ATP13A2: variants seen among roughly 807,000 people sequenced by gnomAD.
ATP13A2 encodes the protein ATPase cation transporting 13A2, also known as polyamine-transporting ATPase 13A2.
In ATP13A2, 83 loss-of-function variants were observed where a neutral mutation model predicts 138.3. That is an observed-to-expected ratio of 0.60 (90% CI 0.50 to 0.72). The LOEUF (loss-of-function observed/expected upper bound fraction) is 0.72, where lower values mean the gene tolerates loss of function less well. Ranked by LOEUF, ATP13A2 falls within the 30% of genes least tolerant of loss-of-function variation. The probability of loss-of-function intolerance (pLI) is 0.00; values close to 1 mark genes in which losing one functional copy is unlikely to be tolerated. For synonymous variants in ATP13A2, 663 were observed against 699.0 expected (o/e 0.95, Z 0.81); for missense variants, 1,402 against 1,606.4 (o/e 0.87, Z 2.17).
chr1:17,002,000 G>T, intron 8 of ATP13A2, 34 bp downstream of exon 8: 1 of 1,592,730 alleles, frequency 6.3e-7, no homozygotes, highest in Non-Finnish European at 8.6e-7. Context: ...AGCACGCCAG[G>T]CAGGGCTGGG....
chr1:17,000,251 C>G lies in ATP13A2; in HGVS notation c.902G>C (p.Gly301Ala), dbSNP rs1044203058. The G allele has an allele frequency of 6.4e-7, 1 of 1,566,470 alleles. No individual in the cohort carries two copies. The highest frequency in any genetic ancestry group is 8.7e-7 in the Non-Finnish European group (1 of 1,155,198). The change falls in exon 10 of 29, where the codon GGG becomes GCG. Residue 301 changes from glycine to alanine, a missense_variant. Gly to Ala is a moderately conservative substitution (Grantham distance 60). Coordinates refer to ENST00000326735, the MANE Select transcript of ATP13A2 (RefSeq NM_022089.4). ...LSMRVCVCRP[G>A]GEEEWVDSSE... ...CCTGGGCCCTAGCTCCTCACCTCCC[C>G]CTGGCCGGCACACGCACACCCGCAT...
intron 8 of ATP13A2, among the ~76,000 whole-genome samples, chr1:17,001,669 C>A (rs1341706627): frequency 6.6e-6 from 1 of 152,192 alleles, no homozygotes; most frequent in Non-Finnish European, 1.5e-5. Context: ...ACAGTGCAGT[C>A]CCAGGCCCAA....
Position 17,011,091 on chromosome 1 carries a change from G to T in ATP13A2, c.10+638C>A, listed in dbSNP as rs1435826347. ...CTTTCTGGATAGGGGAGGAGGACTG[G>T]CCCCATTCCCGGCAGGTGGGATTTA... On this transcript the variant is annotated intron_variant, in intron 1 of 28. Transcript: ENST00000326735. The surrounding 1 kb of genome is among the most constrained non-coding windows in gnomAD (Gnocchi z 7.3). 1.3e-5 allele frequency among the ~76,000 whole-genome samples: 2 copies of T among 152,102 alleles called. No homozygotes were observed. The highest frequency in any genetic ancestry group is 2.9e-5 in the Non-Finnish European group (2 of 68,030).
rs1237007948 is a variant in ATP13A2, at chr1:16,986,141, C to A, written c.*80G>T. ...ACCTCAGGGATGTGGGAGGTGGTGG[C>A]GGTGGTGTTGCTGGAGAGGGGTCCA... is the stretch of plus-strand genomic sequence containing the variant. On this transcript the variant is annotated 3_prime_UTR_variant, in exon 29 of 29. Transcript: ENST00000326735. The surrounding 1 kb of genome is among the most constrained non-coding windows in gnomAD (Gnocchi z 6.9). The A allele has an allele frequency of 6.2e-7, 1 of 1,600,840 alleles. No homozygotes were observed. Among genetic ancestry groups the A allele is most frequent in the Non-Finnish European group, 8.5e-7 (1 of 1,174,780 alleles).
At chr1:17,005,155 G>A (rs1035677319) in intron 3 of ATP13A2, 83 bp from the exon 4 acceptor site, 31 of 1,580,622 alleles carry the variant, frequency 2.0e-5, no homozygotes, top group Non-Finnish European at 2.5e-5. Flanking sequence ...GGCCCCTGCT[G>A]GAGAAGGCAG....
chr1:17,007,753 G>A (rs1159771109), intron 1 of ATP13A2, among the ~76,000 whole-genome samples: 5 of 152,006 alleles, frequency 3.3e-5, no homozygotes, highest in East Asian at 3.9e-4. Context: ...GGGTTTCACC[G>A]TGTTAGCCAG....
intron 8 of ATP13A2, among the ~76,000 whole-genome samples, chr1:17,001,801 C>T (rs533089622): frequency 6.6e-6 from 1 of 152,200 alleles, no homozygotes; most frequent in Non-Finnish European, 1.5e-5. Flanking sequence ...GGCCTCCAAT[C>T]CCTATGAGTG....
chr1:17,009,807 C>G (rs2077712644), intron 1 of ATP13A2, among the ~76,000 whole-genome samples: 1 of 152,182 alleles, frequency 6.6e-6, no homozygotes, highest in Admixed American at 6.5e-5. Context: ...ACTGTCACTT[C>G]ACAATGACAC....
Position 17,005,453 on chromosome 1 carries a change from A to C in ATP13A2, c.209T>G (p.Leu70Arg), listed in dbSNP as rs1235924841. The C allele has an allele frequency of 6.2e-7, 1 of 1,614,170 alleles. No individual in the cohort carries two copies. The highest frequency in any genetic ancestry group is 1.1e-5 in the South Asian group (1 of 91,078). The change falls in exon 3 of 29, where the codon CTG (leucine) becomes CGG (arginine). Residue 70 changes from leucine to arginine, a missense_variant. Coordinates refer to ENST00000326735, the MANE Select transcript of ATP13A2 (RefSeq NM_022089.4). ...CCGGAGCCGCAGCCGCACCCCCCAC[A>C]GGGGCTTCCAACGGAAGAGCAGCAA... is the stretch of plus-strand genomic sequence containing the variant. ...IPLLLFRWKP[L>R]WGVRLRLRPC...
intron 6 of ATP13A2, among the ~76,000 whole-genome samples, chr1:17,003,656 GTTTC>G (rs1262564589): frequency 5.0e-5 from 6 of 118,852 alleles, no homozygotes; most frequent in Middle Eastern, 4.7e-3. Context: ...GTGAGCTTGT[GTTTC>G]TTTTTCTTTT....
chr1:16,987,187 G>A lies in ATP13A2; in HGVS notation c.2942C>T (p.Thr981Met), dbSNP rs148201608. The A allele has an allele frequency of 1.4e-4, 222 of 1,613,714 alleles. No homozygotes were observed. The African/African-American group carries it at 2.3e-3, about 17-fold the overall frequency. Residue 981 changes from threonine to methionine, a missense_variant, in exon 26 of 29, where the codon ACG becomes ATG. Physicochemically the swap from Thr to Met is moderately conservative, Grantham distance 81. Coordinates refer to ENST00000326735, the MANE Select transcript of ATP13A2 (RefSeq NM_022089.4). ...CCGTCCCAGGACCAGCGCTGGCCCCGTGCGGCTCATGAGCACTGCCACTGT... is the reference window on the plus strand; with the variant it reads ...CCGTCCCAGGACCAGCGCTGGCCCCATGCGGCTCATGAGCACTGCCACTGT... The part of the protein sequence containing the change: ...TTTVAVLMSR[T>M]GPALVLGRVR...
chr1:17,005,956 G>A (rs2077543554), intron 1 of ATP13A2, among the ~76,000 whole-genome samples, 178 bp from the exon 2 acceptor site: 1 of 152,114 alleles, frequency 6.6e-6, no homozygotes, highest in African/African-American at 2.4e-5. Context: ...CTAACATGGT[G>A]AAACCCATCT....
At chr1:16,989,606 G>C in intron 23 of ATP13A2, 85 bp downstream of exon 23, 1 of 1,381,324 alleles carries the variant, frequency 7.2e-7, no homozygotes. Context: ...AGGGAGACAG[G>C]GCCCTGGGGA....
chr1:16,996,394 G>A lies in ATP13A2; in HGVS notation c.1298C>T (p.Ser433Phe). The A allele has an allele frequency of 6.2e-7, 1 of 1,614,138 alleles. No individual in the cohort carries two copies. Among genetic ancestry groups the A allele is most frequent in the Non-Finnish European group, 8.5e-7 (1 of 1,180,012 alleles). ...KHSMKFVAAL[S>F]VLALLGTIYS... ...TGCAGGGGGCCACTCACCCAGGACA[G>A]AGAGGGCAGCCACAAACTTCATGCT... Residue 433 changes from serine (S) to phenylalanine (F), a missense_variant, in exon 13 of 29, where the codon TCT becomes TTT. Physicochemically the swap from Ser to Phe is radical, Grantham distance 155 (BLOSUM62 -2). Transcript: ENST00000326735.
chr1:17,011,826 T>C lies in ATP13A2; in HGVS notation c.-88A>G. ...CGCAAGGCCCTGGGCGGGGGCGCGG[T>C]CCGGACGGCCCGGGGCGAGGGGCGC... On this transcript the variant is annotated 5_prime_UTR_variant, in exon 1 of 29. Transcript: ENST00000326735. This position sits in a 1 kb window ranked among gnomAD's most constrained non-coding sequence, Gnocchi z 7.3. The C allele has an allele frequency of 9.0e-7, 1 of 1,108,350 alleles. No individual in the cohort carries two copies. The highest frequency in any genetic ancestry group is 1.7e-5 in the African/African-American group (1 of 59,974). 68.7% of individuals were successfully genotyped at this position (1,108,350 alleles called of 1,614,324 possible).
rs41273155 is a variant in ATP13A2 at position 17,004,941 on chromosome 1, G to A, written c.347+73C>T. 369 of 1,611,546 alleles carry A rather than the reference G, an allele frequency of 2.3e-4. 6 individuals are homozygous for A. The South Asian group carries it at 3.8e-3, about 17-fold the overall frequency. On this transcript the variant is annotated intron_variant, in intron 4 of 28. Transcript: ENST00000326735. This position sits in a 1 kb window ranked among gnomAD's most constrained non-coding sequence, Gnocchi z 4.1. Reference sequence around the variant, plus strand: ...GCGCCAGAGTCAGCCTTTATGGGGGGGCCGAGGGTTGGGGAAGTTGGGGAG... The same window carrying A: ...GCGCCAGAGTCAGCCTTTATGGGGGAGCCGAGGGTTGGGGAAGTTGGGGAG...
rs369126613 is a variant in ATP13A2 at position 16,986,163 on chromosome 1, T to C, written c.*58A>G. On this transcript the variant is annotated 3_prime_UTR_variant, in exon 29 of 29. Transcript: ENST00000326735. This position sits in a 1 kb window ranked among gnomAD's most constrained non-coding sequence, Gnocchi z 6.9. The stretch of plus-strand genomic sequence containing the variant: ...TGGCGGTGGTGTTGCTGGAGAGGGG[T>C]CCAGTTGGTGGCTCAGAGGCAGGGA... 1.8e-4 allele frequency: 287 copies of C among 1,609,128 alleles called. No individual in the cohort carries two copies. The highest frequency in any genetic ancestry group is 1.8e-4 in the Non-Finnish European group (214 of 1,178,518).
In ATP13A2 at chr1:17,000,525, G is replaced by A; in HGVS notation, c.715C>T (p.Pro239Ser). 2 of 1,613,956 alleles carry A rather than the reference G, an allele frequency of 1.2e-6. No individual in the cohort carries two copies. Among genetic ancestry groups the A allele is most frequent in the Non-Finnish European group, 1.7e-6 (2 of 1,179,886 alleles). ...CTGAAGGCCTGGAACCCATAGTAGG[G>A]GTTCAGTGCCTGGGGGAGGGGCGGG... is the stretch of plus-strand genomic sequence containing the variant. ...PQLLVDEALN[P>S]YYGFQAFSIA... Residue 239 changes from proline to serine, a missense_variant, in exon 9 of 29, where the codon CCC becomes TCC. By Grantham distance (74) the Pro-to-Ser change is moderately conservative. Coordinates refer to ENST00000326735, the MANE Select transcript of ATP13A2 (RefSeq NM_022089.4).
chr1:16,998,976 G>C (rs1305444288), intron 11 of ATP13A2, among the ~76,000 whole-genome samples: 1 of 152,174 alleles, frequency 6.6e-6, no homozygotes. Context: ...AAGGGAAGGG[G>C]ACTGTGGGGT....
Sources: allele counts gnomAD v4.1 joint callset (sites outside exome capture counted in the v4.1 genomes callset), GRCh38; gene constraint gnomAD v4.1.1; non-coding constraint Gnocchi (gnomAD v3.1); transcripts MANE v1.5; gene names NCBI Gene and HGNC (gene_info 2026-07-23, HGNC 2026-07-21).